COA8: variants seen among roughly 807,000 people sequenced by gnomAD.
COA8 encodes the protein UPF0671 protein C14orf153.
COA8 carries 20 observed loss-of-function variants against 22.0 expected under a neutral mutation model. The ratio of observed to expected loss-of-function variants is 0.91; its 90% CI spans 0.64 to 1.32. The LOEUF (loss-of-function observed/expected upper bound fraction) is 1.32. Among genes scored for constraint, COA8 ranks in the 40% most tolerant of loss-of-function variants. The pLI, the probability that COA8 is intolerant of heterozygous loss-of-function variation, is 0.00. For missense variants in COA8, 266 were observed against 230.0 expected, an observed-to-expected ratio of 1.16 and a Z score of -1.01; for synonymous variants, 105 against 79.9, an observed-to-expected ratio of 1.31 and a Z score of -1.68.
intron 1 of COA8, chr14:103,563,360 A>G (rs1395821584): frequency 1.4e-6 from 1 of 692,228 alleles, no homozygotes; most frequent in Admixed American, 2.0e-5. Context: ...CAGAACCTTT[A>G]AGCGTAACAG....
Position 103,564,571 on chromosome 14 carries a change from C to CTTTTTTTTTTTTTTTTTT in COA8, c.123+1456_123+1473dup, listed in dbSNP as rs561702478. Among the ~76,000 whole-genome samples the CTTTTTTTTTTTTTTTTTT allele has an allele frequency of 4.4e-5, 4 of 91,460 alleles. 1 individual carries two copies. Among genetic ancestry groups the CTTTTTTTTTTTTTTTTTT allele is most frequent in the African/African-American group, 4.7e-5 (1 of 21,168 alleles). 60.0% of individuals were successfully genotyped at this position (91,460 alleles called of 152,430 possible). A position where few individuals can be genotyped will look rare whatever the true frequency, so the allele number is the denominator to read the frequency against. ...GATTTCTCTATTGTCATATACACTT[C>CTTTTTTTTTTTTTTTTTT]TTTTTTTTTTTTTTTTTTTTTTTTT... On this transcript the variant is annotated intron_variant, in intron 1 of 4. Transcript: ENST00000409074.
intron 1 of COA8, among the ~76,000 whole-genome samples, chr14:103,568,692 C>G (rs931865253): frequency 6.6e-6 from 1 of 151,120 alleles, no homozygotes; most frequent in African/African-American, 2.4e-5. Flanking sequence ...TGCAGTGACA[C>G]GATCTTGGTT....
intron 3 of COA8, chr14:103,574,540 G>T (rs761200256): frequency 2.0e-5 from 9 of 449,914 alleles, no homozygotes; most frequent in Non-Finnish European, 3.9e-5. Context: ...CCTGGTGTCA[G>T]TGTTAGGCCT....
intron 3 of COA8, among the ~76,000 whole-genome samples, chr14:103,586,728 C>A (rs188508811): frequency 2.0e-5 from 3 of 151,738 alleles, no homozygotes; most frequent in African/African-American, 7.3e-5. Flanking sequence ...TCTGCCACCC[C>A]CCACCGGCCC....
intron 2 of COA8, 21 bp downstream of exon 2, chr14:103,571,841 A>C (rs768166118): frequency 6.2e-7 from 1 of 1,607,792 alleles, no homozygotes; most frequent in African/African-American, 1.3e-5. Context: ...GTTTTAGATC[A>C]GAACGGAAGG....
intron 4 of COA8, chr14:103,588,236 T>G: frequency 2.5e-6 from 1 of 394,794 alleles, no homozygotes; most frequent in South Asian, 1.3e-4. Flanking sequence ...ATTTGTAGGC[T>G]GGATACGGTG....
At chr14:103,574,578 C>A in intron 3 of COA8, 1 of 365,906 alleles carries the variant, frequency 2.7e-6, no homozygotes, top group Non-Finnish European at 5.3e-6. Context: ...GTTCGTTAAA[C>A]AGATGTCTGC....
Position 103,587,360 on chromosome 14 carries a change from A to G in COA8, c.472A>G (p.Asn158Asp), listed in dbSNP as rs765608908. 6.2e-7 allele frequency: 1 copy of G among 1,609,788 alleles called. No homozygotes were observed. Among genetic ancestry groups the G allele is most frequent in the Non-Finnish European group, 8.5e-7 (1 of 1,176,720 alleles). Residue 158 changes from asparagine to aspartate, a missense_variant, in exon 4 of 5, where the codon AAC (asparagine) becomes GAC (aspartate). By Grantham distance (23) the Asn-to-Asp change is conservative (BLOSUM62 1). Transcript: ENST00000409074. ...AAATTTTCAGAAGCACATGTATTAT[A>G]ACAGGTAGGTGTTTACTCTTTTCCT... is the stretch of plus-strand genomic sequence containing the variant. ...SKNFQKHMYYNRDWYKRNFAI... is the reference protein window; with the variant it reads ...SKNFQKHMYYDRDWYKRNFAI...
intron 3 of COA8, among the ~76,000 whole-genome samples, chr14:103,575,943 T>G (rs2076226681): frequency 6.6e-6 from 1 of 151,956 alleles, no homozygotes; most frequent in Non-Finnish European, 1.5e-5. Context: ...GCTCAAGCAG[T>G]CCACTCACCT....
intron 3 of COA8, among the ~76,000 whole-genome samples, chr14:103,585,512 G>C (rs1472554374): frequency 6.7e-6 from 1 of 148,998 alleles, no homozygotes; most frequent in African/African-American, 2.5e-5. Context: ...ACATATTCTC[G>C]ATACTAGACC....
intron 3 of COA8, among the ~76,000 whole-genome samples, chr14:103,576,579 A>G (rs1021260310): frequency 6.6e-6 from 1 of 152,166 alleles, no homozygotes; most frequent in African/African-American, 2.4e-5. Context: ...AGCTGGCCCC[A>G]GTCATGGCCT....
chr14:103,588,136 A>C (rs922674125), intron 4 of COA8: 2 of 322,428 alleles, frequency 6.2e-6, no homozygotes, highest in African/African-American at 4.3e-5. Context: ...AAAAAAAAAA[A>C]AAAACGGGTT....
intron 3 of COA8, among the ~76,000 whole-genome samples, chr14:103,583,356 A>G (rs2076281722): frequency 6.6e-6 from 1 of 151,968 alleles, no homozygotes; most frequent in African/African-American, 2.4e-5. Flanking sequence ...CCTGGCCAAC[A>G]TGGTGAAACC....
intron 1 of COA8, among the ~76,000 whole-genome samples, chr14:103,569,905 G>A (rs1304518068): frequency 7.2e-5 from 11 of 152,160 alleles, no homozygotes; most frequent in Admixed American, 7.2e-4. Context: ...CGCCCAGGCT[G>A]GAATGCAGTG....
intron 3 of COA8, among the ~76,000 whole-genome samples, chr14:103,575,037 C>T (rs7140568): frequency 0.25 from 38,223 of 152,266 alleles, 5,336 homozygotes; most frequent in East Asian, 0.35. Flanking sequence ...TGGATTCTCA[C>T]GTCGGGAGTC....
chr14:103,566,051 A>G (rs2076133016), intron 1 of COA8, among the ~76,000 whole-genome samples: 1 of 152,166 alleles, frequency 6.6e-6, no homozygotes, highest in Non-Finnish European at 1.5e-5. Flanking sequence ...TTTCATAAGA[A>G]CAAGCCATTT....
chr14:103,566,775 A>C (rs142038503), intron 1 of COA8, among the ~76,000 whole-genome samples: 56 of 152,296 alleles, frequency 3.7e-4, no homozygotes, highest in African/African-American at 1.3e-3. Context: ...CCATCTTTGG[A>C]ATCTATCAGA....
intron 4 of COA8, among the ~76,000 whole-genome samples, chr14:103,588,734 C>T (rs1213535809): frequency 6.6e-6 from 1 of 151,810 alleles, no homozygotes; most frequent in Non-Finnish European, 1.5e-5. Context: ...ATCCCAGCTA[C>T]AGGAGGCTGA....
Position 103,571,743 on chromosome 14 carries a change from A to C in COA8, c.244A>C (p.Lys82Gln). Reference protein sequence around the residue: ...IPENESPLEQKLRKLRQETQE... With the variant: ...IPENESPLEQQLRKLRQETQE... Reference sequence around the variant, plus strand: ...TGAAAATGAATCTCCATTGGAACAAAAGCTTAGAAAATTAAGACAAGAAAC... The same window carrying C: ...TGAAAATGAATCTCCATTGGAACAACAGCTTAGAAAATTAAGACAAGAAAC... Residue 82 changes from lysine to glutamine, a missense_variant, in exon 2 of 5, where the codon AAG becomes CAG. Lys to Gln is a moderately conservative substitution (Grantham distance 53). Transcript: ENST00000409074. 6.2e-7 allele frequency: 1 copy of C among 1,614,256 alleles called. No homozygotes were observed. The highest frequency in any genetic ancestry group is 8.5e-7 in the Non-Finnish European group (1 of 1,180,046).
Sources: gnomAD v4.1 joint callset for allele counts (sites outside exome capture counted in the v4.1 genomes callset) on GRCh38, gnomAD v4.1.1 for gene constraint, MANE v1.5 for transcripts, NCBI Gene and HGNC (gene_info 2026-07-23, HGNC 2026-07-21) for gene names.